The following SOCS5 variants were observed in gnomAD, a reference collection of about 807,000 sequenced individuals.
The protein encoded by SOCS5 is suppressor of cytokine signaling 5, also known as CIS-6.
In SOCS5, 32 loss-of-function variants were observed where a neutral mutation model predicts 42.8. The observed-to-expected ratio is 0.75, with a 90% CI of 0.56 to 1.01. SOCS5 has a LOEUF of 1.01. Ranked by LOEUF, SOCS5 falls within the 50% of genes least tolerant of loss-of-function variation. SOCS5 has a pLI of 0.00. For synonymous variants in SOCS5, 283 were observed against 229.6 expected (o/e 1.23, Z -2.10); for missense variants, 627 against 653.0 (o/e 0.96, Z 0.43).
intron 1 of SOCS5, among the ~76,000 whole-genome samples, chr2:46,712,908 T>C (rs1672660793): frequency 6.6e-6 from 1 of 152,222 alleles, no homozygotes; most frequent in South Asian, 2.1e-4. Flanking sequence ...CTGACTTTTT[T>C]TATGAATTAG....
At chr2:46,744,751 C>G (rs1427967702) in intron 1 of SOCS5, among the ~76,000 whole-genome samples, 3 of 151,872 alleles carry the variant, frequency 2.0e-5, no homozygotes, top group Admixed American at 1.3e-4. Context: ...TGGTTTCAAA[C>G]TCCTGACCTC....
chr2:46,758,816 A>G lies in SOCS5; in HGVS notation c.286A>G (p.Lys96Glu), dbSNP rs899199885. 1 of 1,614,104 alleles carries G rather than the reference A, an allele frequency of 6.2e-7. No homozygotes were observed. Among genetic ancestry groups the G allele is most frequent in the Non-Finnish European group, 8.5e-7 (1 of 1,180,022 alleles). ...IPQIVEISIEKDNDSCVTPGT... is the reference protein window; with the variant it reads ...IPQIVEISIEEDNDSCVTPGT... The stretch of plus-strand genomic sequence containing the variant: ...TCAAATTGTTGAAATAAGCATCGAA[A>G]AGGATAATGATTCTTGTGTTACCCC... Residue 96 changes from lysine to glutamate, a missense_variant, in exon 2 of 2, where the codon AAG (lysine) becomes GAG (glutamate). Lys to Glu is a moderately conservative substitution (Grantham distance 56, BLOSUM62 1). This residue lies in a region of SOCS5 where 278 missense variants were observed against 246.3 expected (regional missense o/e 1.13). Coordinates refer to ENST00000394861, the MANE Select transcript of SOCS5 (RefSeq NM_144949.3).
At chr2:46,720,587 G>GT (rs2103711546) in intron 1 of SOCS5, among the ~76,000 whole-genome samples, 1 of 152,242 alleles carries the variant, frequency 6.6e-6, no homozygotes, top group African/African-American at 2.4e-5. Context: ...TTAGTAAGCT[G>GT]TTTTTACTAA....
At chr2:46,731,891 C>A (rs1673131955) in intron 1 of SOCS5, among the ~76,000 whole-genome samples, 1 of 152,226 alleles carries the variant, frequency 6.6e-6, no homozygotes, top group African/African-American at 2.4e-5. Flanking sequence ...TTAAAAAAGA[C>A]CTGAAGTTTG....
chr2:46,732,236 A>T (rs756380052), intron 1 of SOCS5, among the ~76,000 whole-genome samples: 9 of 152,230 alleles, frequency 5.9e-5, no homozygotes, highest in Non-Finnish European at 1.0e-4. Context: ...AGTAGAACTG[A>T]CTGTATCAGG....
intron 1 of SOCS5, among the ~76,000 whole-genome samples, chr2:46,732,606 C>T (rs1359251118): frequency 6.6e-6 from 1 of 152,206 alleles, no homozygotes; most frequent in Non-Finnish European, 1.5e-5. Flanking sequence ...GGGTAGAGAC[C>T]ACTGAAGAAT....
chr2:46,746,818 C>T (rs942902119), intron 1 of SOCS5, among the ~76,000 whole-genome samples: 1 of 150,490 alleles, frequency 6.6e-6, no homozygotes, highest in African/African-American at 2.4e-5. Flanking sequence ...ACTTAGTTTA[C>T]TTTTCTTTCT....
chr2:46,718,702 C>G (rs1672808467), intron 1 of SOCS5, among the ~76,000 whole-genome samples: 1 of 152,084 alleles, frequency 6.6e-6, no homozygotes, highest in Admixed American at 6.6e-5. Context: ...AGAGATAATA[C>G]TTTCTAAAAG....
intron 1 of SOCS5, among the ~76,000 whole-genome samples, chr2:46,702,447 G>T (rs1334741399): frequency 6.6e-6 from 1 of 152,124 alleles, no homozygotes; most frequent in African/African-American, 2.4e-5. Context: ...GGAGATCCTT[G>T]TTGCAGTTTC....
At chr2:46,710,575 A>G (rs916398663) in intron 1 of SOCS5, among the ~76,000 whole-genome samples, 8 of 152,244 alleles carry the variant, frequency 5.3e-5, no homozygotes, top group African/African-American at 1.7e-4. Context: ...CACTTGTGAA[A>G]AAAAACTCTA....
intron 1 of SOCS5, among the ~76,000 whole-genome samples, chr2:46,725,389 C>G (rs528730393): frequency 1.3e-5 from 2 of 152,054 alleles, no homozygotes; most frequent in African/African-American, 2.4e-5. Flanking sequence ...AGATTTGGCT[C>G]TGCTGTTTTA....
At chr2:46,710,520 T>G (rs923619190) in intron 1 of SOCS5, among the ~76,000 whole-genome samples, 2 of 152,172 alleles carry the variant, frequency 1.3e-5, no homozygotes, top group African/African-American at 4.8e-5. Flanking sequence ...TATGTACAGT[T>G]GCATACACCA....
chr2:46,716,963 C>T (rs987176748), intron 1 of SOCS5, among the ~76,000 whole-genome samples: 6 of 152,118 alleles, frequency 3.9e-5, no homozygotes, highest in Non-Finnish European at 7.4e-5. Context: ...TTATTCATCC[C>T]AGCTGGTTAT....
Position 46,759,918 on chromosome 2 carries a change from G to A in SOCS5, c.1388G>A (p.Ser463Asn), listed in dbSNP as rs1673824481. 1.2e-6 allele frequency: 2 copies of A among 1,614,138 alleles called. No individual in the cohort carries two copies. ...TGLLEHYKDP[S>N]SCMFFEPLLT... ...CTTTTAGAACATTATAAAGATCCCA[G>A]TTCGTGCATGTTTTTTGAACCATTG... Residue 463 changes from serine (S) to asparagine (N), a missense_variant, in exon 2 of 2, where the codon AGT (serine) becomes AAT (asparagine). Ser to Asn is a conservative substitution (Grantham distance 46). Coordinates refer to ENST00000394861, the MANE Select transcript of SOCS5 (RefSeq NM_144949.3).
chr2:46,730,412 C>T (rs1420974935), intron 1 of SOCS5, among the ~76,000 whole-genome samples: 1 of 151,842 alleles, frequency 6.6e-6, no homozygotes, highest in Non-Finnish European at 1.5e-5. Context: ...ACCAGCCTGG[C>T]CAACATGGTG....
intron 1 of SOCS5, among the ~76,000 whole-genome samples, chr2:46,752,574 G>C (rs138618644): frequency 6.6e-6 from 1 of 152,142 alleles, no homozygotes; most frequent in East Asian, 1.9e-4. Flanking sequence ...TTTCATAATG[G>C]ATATATTCAT....
intron 1 of SOCS5, among the ~76,000 whole-genome samples, chr2:46,703,332 G>A (rs938502964): frequency 2.0e-5 from 3 of 151,190 alleles, no homozygotes; most frequent in Non-Finnish European, 2.9e-5. Flanking sequence ...AAAGCCACAT[G>A]TAGCCATCAC....
intron 1 of SOCS5, among the ~76,000 whole-genome samples, chr2:46,752,177 T>C (rs991212227): frequency 6.6e-6 from 1 of 151,928 alleles, no homozygotes; most frequent in African/African-American, 2.4e-5. Context: ...TCTTTTTTTT[T>C]TTTTTCGGCG....
chr2:46,700,522 AC>A (rs1459889566), intron 1 of SOCS5, among the ~76,000 whole-genome samples: 4 of 152,094 alleles, frequency 2.6e-5, no homozygotes, highest in African/African-American at 4.8e-5. Context: ...TCTTTTCCTT[AC>A]TTTCGTTTCT....
Sources: allele counts gnomAD v4.1 joint callset (sites outside exome capture counted in the v4.1 genomes callset), GRCh38; gene constraint gnomAD v4.1.1; regional missense constraint gnomAD v4.1.1; transcripts MANE v1.5; gene names NCBI Gene and HGNC (gene_info 2026-07-23, HGNC 2026-07-21).